Variants in PPA1 observed in about 807,000 individuals in gnomAD.
PPA1 encodes inorganic pyrophosphatase.
PPA1 carries 23 observed loss-of-function variants against 41.8 expected under a neutral mutation model. That is an observed-to-expected ratio of 0.55 (90% confidence interval 0.40 to 0.78). The LOEUF (loss-of-function observed/expected upper bound fraction) is 0.78. Among genes scored for constraint, PPA1 ranks in the 30% least tolerant of loss-of-function variants. PPA1 has a pLI of 0.00. For synonymous variants in PPA1, 101 were observed against 116.8 expected, an observed-to-expected ratio of 0.86 and a Z score of 0.87; for missense variants, 320 against 361.6, an observed-to-expected ratio of 0.89 and a Z score of 0.93.
intron 3 of PPA1, 99 bp from the exon 4 acceptor site, chr10:70,218,030 T>G (rs1189067917): frequency 2.6e-5 from 29 of 1,096,294 alleles, no homozygotes; most frequent in Non-Finnish European, 3.4e-5. Context: ...GTTCCCTAAT[T>G]CCACTTTAAT....
intron 10 of PPA1, chr10:70,204,550 C>T (rs1839915622): frequency 4.4e-6 from 1 of 227,494 alleles, no homozygotes; most frequent in Admixed American, 5.5e-5. Context: ...AGGCGATGGT[C>T]AAAGGGTACC....
rs542580263 is a variant in PPA1, at chr10:70,208,550, A to C, written c.725+655T>G. Among the ~76,000 whole-genome samples, 7 of 151,984 alleles carry C rather than the reference A, an allele frequency of 4.6e-5. No individual in the cohort carries two copies. In the South Asian group the frequency reaches 1.2e-3, roughly 27 times the overall value. On this transcript the variant is annotated intron_variant, in intron 8 of 10. Coordinates refer to ENST00000373232, the MANE Select transcript of PPA1 (RefSeq NM_021129.4). ...CACTATGTTGCCCCCACCAGTCTCC[A>C]ATTCCTGAGTTCAAGTGATCCTCCT...
At chr10:70,208,468 G>A (rs1413670777) in intron 8 of PPA1, among the ~76,000 whole-genome samples, 1 of 151,750 alleles carries the variant, frequency 6.6e-6, no homozygotes, top group Non-Finnish European at 1.5e-5. Flanking sequence ...CCTTGCTACA[G>A]GCAAGCGCCA....
chr10:70,209,945 A>C, intron 6 of PPA1: 2 of 438,410 alleles, frequency 4.6e-6, no homozygotes, highest in Non-Finnish European at 8.2e-6. Context: ...GACACTAAGT[A>C]CAGAGAACAA....
At chr10:70,221,076 A>ATATATATTTTTTTTTT (rs1224550178) in intron 2 of PPA1, among the ~76,000 whole-genome samples, 4 of 40,046 alleles carry the variant, frequency 1.0e-4, no homozygotes, top group Admixed American at 4.4e-4. Context: ...ATATATATAT[A>ATATATATTTTTTTTTT]TTTTTTTTTT....
chr10:70,210,266 G>T (rs67336131), intron 6 of PPA1: 6 of 656,756 alleles, frequency 9.1e-6, no homozygotes, highest in African/African-American at 3.8e-5. Flanking sequence ...TTGTAGAAAT[G>T]GGGTCTCGTC....
At chr10:70,226,539 A>G (rs1321949063) in intron 2 of PPA1, among the ~76,000 whole-genome samples, 1 of 151,944 alleles carries the variant, frequency 6.6e-6, no homozygotes, top group Non-Finnish European at 1.5e-5. Context: ...TGACAGAGTG[A>G]GACCCTGTCT....
At chr10:70,223,145 G>T (rs866645198) in intron 2 of PPA1, among the ~76,000 whole-genome samples, 1 of 152,022 alleles carries the variant, frequency 6.6e-6, no homozygotes. Flanking sequence ...CAGGAGGACC[G>T]CTTGAGGCCA....
rs67974203 is a variant in PPA1 at position 70,222,335 on chromosome 10, C to CAAA, written c.124-3521_124-3519dup. On this transcript the variant is annotated intron_variant, in intron 2 of 10. Transcript: ENST00000373232. ...TGGGCCACAGAGCAAGACTCCGTCTCAAAAAAAAAAAAAAAAAAAAAAAAG... is the reference window on the plus strand; with the variant it reads ...TGGGCCACAGAGCAAGACTCCGTCTCAAAAAAAAAAAAAAAAAAAAAAAAAAAG... Among the ~76,000 whole-genome samples the CAAA allele has an allele frequency of 3.1e-3, 229 of 73,130 alleles. 4 individuals carry two copies. Among genetic ancestry groups the CAAA allele is most frequent in the East Asian group, 0.021 (45 of 2,192 alleles). 48.0% of individuals were successfully genotyped at this position (73,130 alleles called of 152,430 possible). A position where few individuals can be genotyped will look rare whatever the true frequency, so the allele number is the denominator to read the frequency against.
In PPA1 at chr10:70,233,363, C is replaced by A; in HGVS notation, c.-36G>T. ...TCCTGCCGCCGCCGCTGCCACAGAG[C>A]CACCAGCCCGCACGCGGCGCCGACT... On this transcript the variant is annotated 5_prime_UTR_variant, in exon 1 of 11. Coordinates refer to ENST00000373232, the MANE Select transcript of PPA1 (RefSeq NM_021129.4). The A allele has an allele frequency of 2.0e-6, 3 of 1,529,442 alleles. No individual in the cohort carries two copies. The highest frequency in any genetic ancestry group is 1.8e-4 in the Middle Eastern group (1 of 5,558). The allele number at this position is 1,529,442 out of a possible 1,614,324, so 94.7% of individuals were successfully genotyped here.
intron 2 of PPA1, among the ~76,000 whole-genome samples, chr10:70,221,078 T>TATATA (rs1564584674): frequency 1.9e-3 from 19 of 9,970 alleles, no homozygotes; most frequent in African/African-American, 8.2e-3. Context: ...ATATATATAT[T>TATATA]TTTTTTTTTT....
chr10:70,210,126 C>T (rs1001627081), intron 6 of PPA1: 15 of 295,850 alleles, frequency 5.1e-5, no homozygotes, highest in Admixed American at 1.6e-4. Context: ...CTGTCACCCA[C>T]GCTGGAATGC....
intron 1 of PPA1, among the ~76,000 whole-genome samples, chr10:70,231,349 T>C (rs983313190): frequency 3.3e-5 from 5 of 152,158 alleles, no homozygotes; most frequent in Admixed American, 3.3e-4. Context: ...GGTGGATCAC[T>C]GGAGGTAAGG....
chr10:70,220,312 G>C lies in PPA1; in HGVS notation c.124-1495C>G, dbSNP rs189730521. On this transcript the variant is annotated intron_variant, in intron 2 of 10. Transcript: ENST00000373232. ...CTGCCACCTAGGCTGGAGTGCAGTG[G>C]TATGAGCTTGACTCACTGAAGCCTC... is the stretch of plus-strand genomic sequence containing the variant. Among the ~76,000 whole-genome samples the C allele has an allele frequency of 4.8e-3, 679 of 141,576 alleles. 9 individuals carry two copies. Among genetic ancestry groups the C allele is most frequent in the African/African-American group, 0.017 (652 of 37,716 alleles). The allele number at this position is 141,576 out of a possible 152,430, so 92.9% of individuals were successfully genotyped here. A position where few individuals can be genotyped will look rare whatever the true frequency, so the allele number is the denominator to read the frequency against.
At chr10:70,215,032 T>C (rs12220426) in intron 4 of PPA1, among the ~76,000 whole-genome samples, 1,875 of 152,156 alleles carry the variant, frequency 0.012, 99 homozygotes, top group East Asian at 0.11. Context: ...CTGTATCTAC[T>C]AAAAATACAA....
At chr10:70,216,469 A>G (rs1428779116) in intron 4 of PPA1, among the ~76,000 whole-genome samples, 2 of 147,302 alleles carry the variant, frequency 1.4e-5, no homozygotes, top group African/African-American at 2.5e-5. Context: ...CCCGGGCGAC[A>G]GTGCAAGACT....
At position 70,220,605 on chromosome 10, in the gene PPA1, A is replaced by ATATAATATATATAAT. The variant is rs1840132508; in HGVS notation, c.124-1789_124-1788insATTATATATATTATA. Among the ~76,000 whole-genome samples the ATATAATATATATAAT allele has an allele frequency of 2.4e-4, 2 of 8,300 alleles. 1 individual carries two copies. Among genetic ancestry groups the ATATAATATATATAAT allele is most frequent in the African/African-American group, 7.8e-4 (2 of 2,580 alleles). 5.4% of individuals were successfully genotyped at this position (8,300 alleles called of 152,430 possible). On this transcript the variant is annotated intron_variant, in intron 2 of 10. Transcript: ENST00000373232. Reference sequence around the variant, plus strand: ...TAATTATATATTATATATAATTTATATATATATTATATATAATTTATATAT... The same window carrying ATATAATATATATAAT: ...TAATTATATATTATATATAATTTATATATAATATATATAATTATATATTATATATAATTTATATAT...
chr10:70,215,721 TCCTCCCACCTTGC>T (rs1840072513), intron 4 of PPA1, among the ~76,000 whole-genome samples: 1 of 152,158 alleles, frequency 6.6e-6, no homozygotes, highest in Non-Finnish European at 1.5e-5. Flanking sequence ...CCTCAGGTGA[TCCTCCCACCTTGC>T]CCTCCCAAAG....
In PPA1 at chr10:70,233,359, A is replaced by C; in HGVS notation, c.-32T>G. ...GGAGTCCTGCCGCCGCCGCTGCCAC[A>C]GAGCCACCAGCCCGCACGCGGCGCC... On this transcript the variant is annotated 5_prime_UTR_variant, in exon 1 of 11. Transcript: ENST00000373232. The C allele has an allele frequency of 6.5e-7, 1 of 1,530,972 alleles. No individual in the cohort carries two copies. Among genetic ancestry groups the C allele is most frequent in the Non-Finnish European group, 8.8e-7 (1 of 1,141,576 alleles). 94.8% of individuals were successfully genotyped at this position (1,530,972 alleles called of 1,614,324 possible). A position where few individuals can be genotyped will look rare whatever the true frequency, so the allele number is the denominator to read the frequency against.
Sources: allele counts gnomAD v4.1 joint callset (sites outside exome capture counted in the v4.1 genomes callset), GRCh38; gene constraint gnomAD v4.1.1; transcripts MANE v1.5; gene names NCBI Gene and HGNC (gene_info 2026-07-23, HGNC 2026-07-21).